RRP9: variants seen among roughly 807,000 people sequenced by gnomAD.
RRP9 encodes ribosomal RNA processing 9, U3 small nucleolar RNA binding protein, also known as U3 small nucleolar RNA-interacting protein 2.
Under a neutral mutation model 65.5 loss-of-function variants are expected in RRP9, and 35 were observed. That is an observed-to-expected ratio of 0.53 (90% CI 0.41 to 0.71). The LOEUF (loss-of-function observed/expected upper bound fraction) is 0.71, where lower values mean the gene tolerates loss of function less well. RRP9 is among the 30% of genes least tolerant of loss of function. The probability of loss-of-function intolerance (pLI) is 0.00; values close to 1 mark genes in which losing one functional copy is unlikely to be tolerated. For synonymous variants in RRP9, 254 were observed against 245.0 expected, an observed-to-expected ratio of 1.04 and a Z score of -0.34; for missense variants, 533 against 633.6, an observed-to-expected ratio of 0.84 and a Z score of 1.70.
intron 2 of RRP9, among the ~76,000 whole-genome samples, chr3:51,940,374 G>A (rs1222076122): frequency 1.3e-5 from 2 of 152,132 alleles, no homozygotes; most frequent in Non-Finnish European, 2.9e-5. Flanking sequence ...TCTGGTCCAA[G>A]AGCCTCCAAC....
intron 13 of RRP9, 99 bp from the exon 14 acceptor site, chr3:51,933,880 A>C: frequency 8.5e-7 from 1 of 1,171,500 alleles, no homozygotes; most frequent in South Asian, 1.3e-5. Flanking sequence ...GCCTGGGTTA[A>C]ATCCCTGCTC....
At position 51,935,269 on chromosome 3, in the gene RRP9, G is replaced by A; in HGVS notation, c.972-10C>T. On this transcript the variant is annotated splice_polypyrimidine_tract_variant and intron_variant, in intron 10 of 14. Coordinates refer to ENST00000232888, the MANE Select transcript of RRP9 (RefSeq NM_004704.5). ...GCAGTCGATGGAGCCCCTGGAGAAAGGGGCTGTGAGGAGCGTGGCCCAAGC... is the reference window on the plus strand; with the variant it reads ...GCAGTCGATGGAGCCCCTGGAGAAAAGGGCTGTGAGGAGCGTGGCCCAAGC... 2 of 1,614,188 alleles carry A rather than the reference G, an allele frequency of 1.2e-6. No individual in the cohort carries two copies. Among genetic ancestry groups the A allele is most frequent in the Non-Finnish European group, 1.7e-6 (2 of 1,180,020 alleles).
chr3:51,936,677 C>T, intron 6 of RRP9, 122 bp from the exon 7 acceptor site: 2 of 1,073,816 alleles, frequency 1.9e-6, no homozygotes, highest in Middle Eastern at 6.2e-4. Flanking sequence ...GCCAGAAGAC[C>T]TGGCTCAGCC....
rs201085225 is a variant in RRP9, at chr3:51,941,741, T to C, written c.87+40A>G. On this transcript the variant is annotated intron_variant, in intron 1 of 14. Transcript: ENST00000232888. Reference sequence around the variant, plus strand: ...CTGGATGGGATGACGGTTGTCCCAGTAGCAGGGCTGACCGCGGCCCTCAGA... The same window carrying C: ...CTGGATGGGATGACGGTTGTCCCAGCAGCAGGGCTGACCGCGGCCCTCAGA... 3.4e-5 allele frequency: 51 copies of C among 1,505,586 alleles called. No individual in the cohort carries two copies. In the African/African-American group the frequency reaches 6.6e-4, roughly 20 times the overall value. The allele number at this position is 1,505,586 out of a possible 1,614,324, so 93.3% of individuals were successfully genotyped here.
chr3:51,934,371 G>C lies in RRP9; in HGVS notation c.1260+101C>G. ...GTGCTAGGAGCTGGCCCTGCCCTGAGAAGGTTCCCTTCTGGCAGGAAGAAA... is the reference window on the plus strand; with the variant it reads ...GTGCTAGGAGCTGGCCCTGCCCTGACAAGGTTCCCTTCTGGCAGGAAGAAA... On this transcript the variant is annotated intron_variant, in intron 13 of 14. Coordinates refer to ENST00000232888, the MANE Select transcript of RRP9 (RefSeq NM_004704.5). This position sits in a 1 kb window ranked among gnomAD's most constrained non-coding sequence, Gnocchi z 4.1. 7.8e-7 allele frequency: 1 copy of C among 1,278,688 alleles called. No homozygotes were observed. The highest frequency in any genetic ancestry group is 1.1e-6 in the Non-Finnish European group (1 of 922,620). 79.2% of individuals were successfully genotyped at this position (1,278,688 alleles called of 1,614,324 possible). A position where few individuals can be genotyped will look rare whatever the true frequency, so the allele number is the denominator to read the frequency against.
Position 51,937,620 on chromosome 3 carries a change from G to A in RRP9, c.349-34C>T, listed in dbSNP as rs934969322. 3 of 1,614,084 alleles carry A rather than the reference G, an allele frequency of 1.9e-6. No individual in the cohort carries two copies. The highest frequency in any genetic ancestry group is 1.3e-5 in the African/African-American group (1 of 74,934). On this transcript the variant is annotated intron_variant, in intron 4 of 14. Coordinates refer to ENST00000232888, the MANE Select transcript of RRP9 (RefSeq NM_004704.5). This position sits in a 1 kb window ranked among gnomAD's most constrained non-coding sequence, Gnocchi z 5.0. The stretch of plus-strand genomic sequence containing the variant: ...AGAAGAGATGGATGAGACCCTGGGA[G>A]CAGATCAGCTCCACCCCCGTCCTCC...
At position 51,933,590 on chromosome 3, in the gene RRP9, T is replaced by G. The variant is rs563982590; in HGVS notation, c.1344A>C (p.Arg448=). 1 of 1,613,972 alleles carries G rather than the reference T, an allele frequency of 6.2e-7. No homozygotes were observed. The highest frequency in any genetic ancestry group is 2.2e-5 in the East Asian group (1 of 44,870). The change falls in exon 15 of 15, where the codon CGA becomes CGC. Residue 448 remains arginine (R), a synonymous_variant. Transcript: ENST00000232888. ...TCCGAGCCTCTTTGATTCTCCACCATCGGCCAAGCCTGCAGGGAGTGCAAG... is the reference window on the plus strand; with the variant it reads ...TCCGAGCCTCTTTGATTCTCCACCAGCGGCCAAGCCTGCAGGGAGTGCAAG... The part of the protein sequence containing the change: ...AGVGQEHRLG[R]WWRIKEARNS...
At chr3:51,938,342 G>A (rs1184572963) in intron 2 of RRP9, 138 bp from the exon 3 acceptor site, 2 of 646,668 alleles carry the variant, frequency 3.1e-6, no homozygotes, top group Non-Finnish European at 5.2e-6. Flanking sequence ...CTACACTGCA[G>A]AAAACTGAAG....
Position 51,936,499 on chromosome 3 carries a change from C to T in RRP9, c.574G>A (p.Glu192Lys), listed in dbSNP as rs773867680. Residue 192 changes from glutamate to lysine, a missense_variant, in exon 7 of 15, where the codon GAG becomes AAG. Coordinates refer to ENST00000232888, the MANE Select transcript of RRP9 (RefSeq NM_004704.5). ...CTGCTGTGGCCAGGGGGCTTTCCCT[C>T]GGCACCCTTCTTGGCTCGAGGAATC... ...HVIPRAKKGAEGKPPGHSSHV... is the reference protein window; with the variant it reads ...HVIPRAKKGAKGKPPGHSSHV... 1.1e-5 allele frequency: 18 copies of T among 1,614,048 alleles called. No homozygotes were observed. In the African/African-American group the frequency reaches 2.0e-4, roughly 18 times the overall value.
Position 51,934,474 on chromosome 3 carries a change from G to A in RRP9, c.1258C>T (p.Leu420=), listed in dbSNP as rs752258178. ...AGCATTCAAGCACACTCACTCACCA[G>A]GGGGATGTCACAGAGAAGGTCAAGC... is the stretch of plus-strand genomic sequence containing the variant. ...RQLDLLCDIP[L]VGFINSLKFS... Residue 420 remains leucine, a splice_region_variant and synonymous_variant, in exon 13 of 15, where the codon CTG becomes TTG. Transcript: ENST00000232888. The surrounding 1 kb of genome is among the most constrained non-coding windows in gnomAD (Gnocchi z 4.1). The A allele has an allele frequency of 2.5e-5, 41 of 1,612,966 alleles. No individual in the cohort carries two copies. In the African/African-American group the frequency reaches 5.2e-4, roughly 20 times the overall value.
intron 8 of RRP9, among the ~76,000 whole-genome samples, chr3:51,936,023 G>A (rs1699454683): frequency 6.6e-6 from 1 of 152,100 alleles, no homozygotes; most frequent in Non-Finnish European, 1.5e-5. Flanking sequence ...GCTACATCCC[G>A]CCCAGAGGCG....
At chr3:51,936,910 C>G (rs1204750699) in intron 6 of RRP9, among the ~76,000 whole-genome samples, 36 of 152,252 alleles carry the variant, frequency 2.4e-4, no homozygotes, top group Admixed American at 2.4e-3. Flanking sequence ...CAGGACTGCA[C>G]AGCCTCAAAT....
chr3:51,934,428 C>G lies in RRP9; in HGVS notation c.1260+44G>C. 1 of 1,572,310 alleles carries G rather than the reference C, an allele frequency of 6.4e-7. No individual in the cohort carries two copies. Among genetic ancestry groups the G allele is most frequent in the Non-Finnish European group, 8.7e-7 (1 of 1,151,660 alleles). ...AAAGAGCTAACTCCAGGGGCCTAGG[C>G]AGTGTGGCAGAGACAGGCTGAGCAT... is the stretch of plus-strand genomic sequence containing the variant. On this transcript the variant is annotated intron_variant, in intron 13 of 14. Transcript: ENST00000232888. This position sits in a 1 kb window ranked among gnomAD's most constrained non-coding sequence, Gnocchi z 4.1.
At chr3:51,935,939 G>A (rs1204700331) in intron 8 of RRP9, among the ~76,000 whole-genome samples, 1 of 152,136 alleles carries the variant, frequency 6.6e-6, no homozygotes, top group Non-Finnish European at 1.5e-5. Context: ...ATAGCTCACT[G>A]CAGCCTCCAT....
At chr3:51,940,304 C>G (rs778494411) in intron 2 of RRP9, among the ~76,000 whole-genome samples, 11 of 151,866 alleles carry the variant, frequency 7.2e-5, no homozygotes, top group Non-Finnish European at 1.3e-4. Flanking sequence ...ATTAAGGCAA[C>G]ACATACTCAA....
chr3:51,941,311 T>G (rs1429099164), intron 2 of RRP9, 98 bp downstream of exon 2: 1 of 1,022,400 alleles, frequency 9.8e-7, no homozygotes, highest in Non-Finnish European at 1.5e-6. Flanking sequence ...AGGGACAGAG[T>G]CTTGGATTCT....
chr3:51,940,617 G>C (rs1699510759), intron 2 of RRP9, among the ~76,000 whole-genome samples: 1 of 152,056 alleles, frequency 6.6e-6, no homozygotes, highest in African/African-American at 2.4e-5. Flanking sequence ...CCCTGGGAAG[G>C]GATCCCCAAA....
chr3:51,937,439 C>T lies in RRP9; in HGVS notation c.390+106G>A, dbSNP rs1376438523. ...AGAAGGAAAACAAGACCCAAGGCTACAACAACCAGATCCTTACCTGACCAG... is the reference window on the plus strand; with the variant it reads ...AGAAGGAAAACAAGACCCAAGGCTATAACAACCAGATCCTTACCTGACCAG... On this transcript the variant is annotated intron_variant, in intron 5 of 14. Coordinates refer to ENST00000232888, the MANE Select transcript of RRP9 (RefSeq NM_004704.5). The surrounding 1 kb of genome is among the most constrained non-coding windows in gnomAD (Gnocchi z 5.0). The T allele has an allele frequency of 6.9e-6, 11 of 1,605,536 alleles. No individual in the cohort carries two copies. The South Asian group carries it at 1.2e-4, about 18-fold the overall frequency.
At chr3:51,935,028 C>T (rs1699438520) in intron 11 of RRP9, among the ~76,000 whole-genome samples, 169 bp downstream of exon 11, 1 of 152,122 alleles carries the variant, frequency 6.6e-6, no homozygotes, top group South Asian at 2.1e-4. Context: ...ATCAAGGGCA[C>T]ACAGCCCGGA....
Sources: gnomAD v4.1 joint callset for allele counts (sites outside exome capture counted in the v4.1 genomes callset) on GRCh38, gnomAD v4.1.1 for gene constraint, Gnocchi (gnomAD v3.1) non-coding constraint, MANE v1.5 for transcripts, NCBI Gene and HGNC (gene_info 2026-07-23, HGNC 2026-07-21) for gene names.